The following USH2A variants were observed in gnomAD, a reference collection of about 807,000 sequenced individuals.
The protein encoded by USH2A is Usher syndrome 2A (autosomal recessive, mild).
USH2A carries 443 observed loss-of-function variants against 538.9 expected under a neutral mutation model. The ratio of observed to expected loss-of-function variants is 0.82; its 90% CI spans 0.76 to 0.89. The LOEUF is 0.89. USH2A is among the 40% of genes least tolerant of loss of function. USH2A has a pLI of 0.00. For missense variants in USH2A, 6,633 were observed against 6,324.8 expected (o/e 1.05, Z -1.65); for synonymous variants, 2,413 against 2,273.5 (o/e 1.06, Z -1.75).
At chr1:215,923,078 T>C (rs904204964) in intron 38 of USH2A, among the ~76,000 whole-genome samples, 7 of 152,122 alleles carry the variant, frequency 4.6e-5, no homozygotes, top group East Asian at 1.9e-4. Context: ...CAAACACATA[T>C]GTTAAGTTTA....
chr1:216,222,442 A>G (rs1478719631), intron 14 of USH2A, among the ~76,000 whole-genome samples: 1 of 152,342 alleles, frequency 6.6e-6, no homozygotes, highest in South Asian at 2.1e-4. Flanking sequence ...AACAATATCC[A>G]AGTTCTAATC....
chr1:216,095,137 TAAATC>T (rs1173871018), intron 22 of USH2A, among the ~76,000 whole-genome samples: 1 of 152,182 alleles, frequency 6.6e-6, no homozygotes, highest in Non-Finnish European at 1.5e-5. Flanking sequence ...AATTCCCTCT[TAAATC>T]AGATATTCTC....
At chr1:215,829,077 G>A (rs963533357) in intron 47 of USH2A, among the ~76,000 whole-genome samples, 8 of 152,034 alleles carry the variant, frequency 5.3e-5, no homozygotes, top group Non-Finnish European at 1.2e-4. Flanking sequence ...GTAGGCCATG[G>A]CCAGACATGT....
intron 26 of USH2A, 28 bp from the exon 27 acceptor site, chr1:216,078,390 G>C: frequency 6.2e-7 from 1 of 1,609,028 alleles, no homozygotes. Context: ...AAAGAAAGTA[G>C]GTATATAAAA....
chr1:215,802,930 C>A (rs1402132543), intron 49 of USH2A, among the ~76,000 whole-genome samples: 2 of 152,012 alleles, frequency 1.3e-5, no homozygotes, highest in African/African-American at 4.8e-5. Context: ...ATTATTCGAC[C>A]TTAAAAAGGA....
chr1:216,137,061 A>T (rs1349425812), intron 21 of USH2A, among the ~76,000 whole-genome samples: 1 of 152,190 alleles, frequency 6.6e-6, no homozygotes, highest in East Asian at 1.9e-4. Context: ...ACCCCATTGG[A>T]AAGAGTAGAA....
At chr1:215,882,397 C>T (rs1664935013) in intron 41 of USH2A, among the ~76,000 whole-genome samples, 1 of 151,628 alleles carries the variant, frequency 6.6e-6, no homozygotes, top group Non-Finnish European at 1.5e-5. Flanking sequence ...TCATACAGAA[C>T]AAGATGTGCA....
intron 61 of USH2A, among the ~76,000 whole-genome samples, chr1:215,709,906 T>A (rs1659290718): frequency 6.6e-6 from 1 of 152,234 alleles, no homozygotes; most frequent in South Asian, 2.1e-4. Context: ...GTTGAATGAT[T>A]TGATTTAAAA....
chr1:216,332,669 G>A (rs1330218099), intron 4 of USH2A, among the ~76,000 whole-genome samples: 1 of 152,222 alleles, frequency 6.6e-6, no homozygotes, highest in Non-Finnish European at 1.5e-5. Context: ...ACTGGAAAAT[G>A]TATTGGTTCT....
intron 44 of USH2A, among the ~76,000 whole-genome samples, chr1:215,850,011 A>G (rs1663974674): frequency 6.6e-6 from 1 of 152,122 alleles, no homozygotes; most frequent in Admixed American, 6.6e-5. Flanking sequence ...TGATAAAACT[A>G]TCCAATAATC....
chr1:215,866,101 A>C (rs1280144899), intron 44 of USH2A, among the ~76,000 whole-genome samples: 2 of 152,168 alleles, frequency 1.3e-5, no homozygotes, highest in Non-Finnish European at 2.9e-5. Flanking sequence ...GTCTTTCCTG[A>C]TCAGGTATTT....
chr1:215,932,131 T>C (rs1666379778), intron 38 of USH2A, among the ~76,000 whole-genome samples: 1 of 151,968 alleles, frequency 6.6e-6, no homozygotes, highest in Non-Finnish European at 1.5e-5. Flanking sequence ...TCACCCAGCA[T>C]TGAAAGATAC....
At chr1:216,204,957 G>C (rs1309663952) in intron 16 of USH2A, among the ~76,000 whole-genome samples, 1 of 152,142 alleles carries the variant, frequency 6.6e-6, no homozygotes, top group Non-Finnish European at 1.5e-5. Context: ...ATAAATGTCT[G>C]ATTAGTGAAT....
chr1:216,055,655 G>A (rs2030951378), intron 30 of USH2A, among the ~76,000 whole-genome samples: 1 of 152,196 alleles, frequency 6.6e-6, no homozygotes, highest in South Asian at 2.1e-4. Context: ...ATCTAATAGA[G>A]ATCTGGAAAC....
chr1:216,381,772 C>T (rs985564300), intron 3 of USH2A, among the ~76,000 whole-genome samples: 1 of 152,146 alleles, frequency 6.6e-6, no homozygotes, highest in South Asian at 2.1e-4. Context: ...TATCTCTCAT[C>T]TGTACAGTCT....
At chr1:215,940,388 T>C (rs796142320) in intron 37 of USH2A, among the ~76,000 whole-genome samples, 6 of 152,260 alleles carry the variant, frequency 3.9e-5, no homozygotes, top group African/African-American at 1.4e-4. Flanking sequence ...CAGGTCTCTC[T>C]ATATACCCTG....
intron 38 of USH2A, among the ~76,000 whole-genome samples, chr1:215,931,123 A>G (rs1666353013): frequency 6.6e-6 from 1 of 151,918 alleles, no homozygotes; most frequent in African/African-American, 2.4e-5. Flanking sequence ...TTTAAAGTGA[A>G]TTTTTCAAAT....
intron 32 of USH2A, among the ~76,000 whole-genome samples, chr1:216,013,410 T>G (rs1668625756): frequency 6.6e-6 from 1 of 151,714 alleles, no homozygotes; most frequent in Non-Finnish European, 1.5e-5. Flanking sequence ...GTCCCAACAC[T>G]TTACCACTAT....
intron 44 of USH2A, among the ~76,000 whole-genome samples, chr1:215,864,847 A>G (rs559384374): frequency 3.5e-4 from 54 of 152,274 alleles, no homozygotes; most frequent in Admixed American, 6.5e-4. Context: ...TAACTTATAC[A>G]TATCAATCTG....
Sources: gnomAD v4.1 joint callset for allele counts (sites outside exome capture counted in the v4.1 genomes callset) on GRCh38, gnomAD v4.1.1 for gene constraint, MANE v1.5 for transcripts, NCBI Gene and HGNC (gene_info 2026-07-23, HGNC 2026-07-21) for gene names.